The following BTBD16 variants were observed in gnomAD, a reference collection of about 807,000 sequenced individuals.
The protein encoded by BTBD16 is BTB domain containing 16, also known as BTB/POZ domain-containing protein 16.
A neutral mutation model predicts 67.4 loss-of-function variants in BTBD16; 66 were observed. The observed-to-expected ratio is 0.98, with a 90% confidence interval of 0.80 to 1.20. The LOEUF is 1.20. BTBD16 is among the 50% of genes most tolerant of loss of function. The probability of loss-of-function intolerance (pLI) is 0.00; values close to 1 mark genes in which losing one functional copy is unlikely to be tolerated. For synonymous variants in BTBD16, 242 were observed against 236.4 expected, an observed-to-expected ratio of 1.02 and a Z score of -0.22; for missense variants, 634 against 616.0, an observed-to-expected ratio of 1.03 and a Z score of -0.31.
chr10:122,320,456 A>G (rs2096433553), intron 10 of BTBD16, among the ~76,000 whole-genome samples: 1 of 152,066 alleles, frequency 6.6e-6, no homozygotes, highest in Non-Finnish European at 1.5e-5. Flanking sequence ...TCCTAGTTTC[A>G]CAGGTGGAAA....
rs781341697 is a variant in BTBD16 at position 122,291,155 on chromosome 10, C to T, written c.551C>T (p.Ala184Val). ...INLEDLLGVL[A>V]SAHILQFSGL... ...TTGGAAGACCTACTGGGAGTGCTGG[C>T]TTCCGCCCACATCCTCCAGTTCAGT... Residue 184 changes from alanine to valine, a missense_variant, in exon 7 of 16, where the codon GCT becomes GTT. Ala to Val is a moderately conservative substitution (Grantham distance 64, BLOSUM62 0). Coordinates refer to ENST00000260723, the MANE Select transcript of BTBD16 (RefSeq NM_144587.5). The T allele has an allele frequency of 1.9e-6, 3 of 1,613,870 alleles. No individual in the cohort carries two copies. The Admixed American group carries it at 5.0e-5, about 27-fold the overall frequency.
In BTBD16 at chr10:122,284,080, C is replaced by T. The variant is rs901376141; in HGVS notation, c.241+156C>T. Among the ~76,000 whole-genome samples, 16 of 152,070 alleles carry T rather than the reference C, an allele frequency of 1.1e-4. 1 individual carries two copies. Among genetic ancestry groups the T allele is most frequent in the Non-Finnish European group, 1.8e-4 (12 of 68,022 alleles). ...CAGCGTCTAAGAAATAATAGGTGCC[C>T]GGTAAATATTTGTCAAATGTGCAGT... is the stretch of plus-strand genomic sequence containing the variant. On this transcript the variant is annotated intron_variant, in intron 4 of 15. Transcript: ENST00000260723.
At chr10:122,274,768 C>G (rs2096336752) in intron 1 of BTBD16, among the ~76,000 whole-genome samples, 1 of 151,902 alleles carries the variant, frequency 6.6e-6, no homozygotes, top group Non-Finnish European at 1.5e-5. Flanking sequence ...CTCACTTTGG[C>G]AAAGGATTAT....
chr10:122,289,576 T>C (rs1299100855), intron 5 of BTBD16, among the ~76,000 whole-genome samples: 2 of 151,952 alleles, frequency 1.3e-5, no homozygotes, highest in Admixed American at 6.6e-5. Flanking sequence ...CCATTTCTAC[T>C]AAAAATGTAA....
intron 7 of BTBD16, chr10:122,295,387 C>G (rs2096381307): frequency 1.0e-6 from 1 of 985,220 alleles, no homozygotes; most frequent in South Asian, 4.7e-5. Flanking sequence ...CTGCAATGGC[C>G]AGAGGTTTGG....
intron 2 of BTBD16, among the ~76,000 whole-genome samples, 176 bp from the exon 3 acceptor site, chr10:122,276,615 A>G (rs1294048289): frequency 1.3e-5 from 2 of 152,212 alleles, no homozygotes; most frequent in Non-Finnish European, 1.5e-5. Flanking sequence ...TCCTTGGTCT[A>G]TGGAATACAG....
intron 1 of BTBD16, among the ~76,000 whole-genome samples, chr10:122,271,891 C>T (rs2096329484): frequency 6.6e-6 from 1 of 152,342 alleles, no homozygotes; most frequent in East Asian, 1.9e-4. Flanking sequence ...CAGCCTCCCT[C>T]TCTCTGTAAC....
chr10:122,289,909 C>G lies in BTBD16; in HGVS notation c.386C>G (p.Ala129Gly), dbSNP rs1358116484. ...PLRELEELLR[A>G]QSPKKTKEKS... Reference sequence around the variant, plus strand: ...ATCATCATCTCATTTCCTTTACTAGCTCAATCACCTAAGAAGACCAAAGAA... The same window carrying G: ...ATCATCATCTCATTTCCTTTACTAGGTCAATCACCTAAGAAGACCAAAGAA... The change falls in exon 6 of 16, where the codon GCT becomes GGT. Residue 129 changes from alanine to glycine, a missense_variant and splice_region_variant. By Grantham distance (60) the Ala-to-Gly change is moderately conservative. Transcript: ENST00000260723. 6.2e-7 allele frequency: 1 copy of G among 1,612,676 alleles called. No individual in the cohort carries two copies. Among genetic ancestry groups the G allele is most frequent in the Admixed American group, 1.7e-5 (1 of 59,926 alleles).
chr10:122,287,622 C>T (rs2096366372), intron 5 of BTBD16: 1 of 274,632 alleles, frequency 3.6e-6, no homozygotes, highest in South Asian at 1.4e-4. Flanking sequence ...CTTCATGTGC[C>T]TTTAAAAGCG....
intron 10 of BTBD16, among the ~76,000 whole-genome samples, chr10:122,325,323 T>A (rs1485344273): frequency 6.6e-6 from 1 of 152,160 alleles, no homozygotes; most frequent in Non-Finnish European, 1.5e-5. Flanking sequence ...ACACAAACCC[T>A]GTCATCATGG....
Position 122,288,413 on chromosome 10 carries a change from G to A in BTBD16, c.386-1496G>A, listed in dbSNP as rs972238173. Among the ~76,000 whole-genome samples the A allele has an allele frequency of 2.0e-5, 3 of 152,214 alleles. 1 individual carries two copies. The highest frequency in any genetic ancestry group is 2.0e-4 in the Admixed American group (3 of 15,282). ...ACGGATGACAGCGAGGGGAGATGGA[G>A]GGGAAAGGATCCTTTGCTCTCTCTT... On this transcript the variant is annotated intron_variant, in intron 5 of 15. Coordinates refer to ENST00000260723, the MANE Select transcript of BTBD16 (RefSeq NM_144587.5).
In BTBD16 at chr10:122,331,240, A is replaced by G; in HGVS notation, c.1068A>G (p.Thr356=). 1 of 1,613,984 alleles carries G rather than the reference A, an allele frequency of 6.2e-7. No homozygotes were observed. The change falls in exon 12 of 16, where the codon ACA becomes ACG. Residue 356 remains threonine, a synonymous_variant. Transcript: ENST00000260723. ...FFPESWLDQV[T]VNHYHALENG... ...CAGAGTCATGGCTCGACCAGGTTAC[A>G]GTCAACCATTACCACGCAGTGAGTT...
chr10:122,281,441 G>A (rs2096352935), intron 3 of BTBD16, among the ~76,000 whole-genome samples: 1 of 151,752 alleles, frequency 6.6e-6, no homozygotes, highest in South Asian at 2.1e-4. Flanking sequence ...CAGGCTAGAA[G>A]GCAATGGCTA....
intron 7 of BTBD16, chr10:122,295,367 C>T (rs2096381273): frequency 1.0e-6 from 1 of 985,246 alleles, no homozygotes; most frequent in South Asian, 4.7e-5. Context: ...GCCACTAAGA[C>T]CCAATGCAGC....
intron 5 of BTBD16, among the ~76,000 whole-genome samples, chr10:122,288,928 C>T (rs575406341): frequency 6.6e-6 from 1 of 152,264 alleles, no homozygotes; most frequent in African/African-American, 2.4e-5. Context: ...CTAGTGGGGC[C>T]TTGGCTTTTG....
chr10:122,303,243 C>A (rs1466225360), intron 9 of BTBD16, among the ~76,000 whole-genome samples: 3 of 152,174 alleles, frequency 2.0e-5, no homozygotes, highest in African/African-American at 7.2e-5. Context: ...CTCCTAAAGA[C>A]AATTAAACCA....
Position 122,284,072 on chromosome 10 carries a change from T to C in BTBD16, c.241+148T>C, listed in dbSNP as rs549225382. ...CCACTTCCCAGCGTCTAAGAAATAATAGGTGCCCGGTAAATATTTGTCAAA... is the reference window on the plus strand; with the variant it reads ...CCACTTCCCAGCGTCTAAGAAATAACAGGTGCCCGGTAAATATTTGTCAAA... On this transcript the variant is annotated intron_variant, in intron 4 of 15. Transcript: ENST00000260723. The C allele has an allele frequency of 2.0e-5, 13 of 637,398 alleles. 1 individual carries two copies. The highest frequency in any genetic ancestry group is 1.9e-4 in the Admixed American group (7 of 36,188). The allele number at this position is 637,398 out of a possible 1,614,324, so 39.5% of individuals were successfully genotyped here.
chr10:122,310,261 A>G (rs1464615545), intron 10 of BTBD16, among the ~76,000 whole-genome samples: 2 of 152,172 alleles, frequency 1.3e-5, no homozygotes, highest in Non-Finnish European at 2.9e-5. Flanking sequence ...AGGCTCTGAG[A>G]AGAAGAATGT....
chr10:122,283,917 G>C lies in BTBD16; in HGVS notation c.234G>C (p.Gly78=). ...ENFKNKDIQS[G]EADVILECLG... ...TCAAGAACAAGGACATCCAAAGTGGGGAAGCAGGTGAGTTTGTGTTATCCA... is the reference window on the plus strand; with the variant it reads ...TCAAGAACAAGGACATCCAAAGTGGCGAAGCAGGTGAGTTTGTGTTATCCA... The change falls in exon 4 of 16, where the codon GGG becomes GGC. Residue 78 remains glycine, a synonymous_variant. Transcript: ENST00000260723. 1 of 1,613,128 alleles carries C rather than the reference G, an allele frequency of 6.2e-7. No individual in the cohort carries two copies. Among genetic ancestry groups the C allele is most frequent in the Non-Finnish European group, 8.5e-7 (1 of 1,179,114 alleles).
Sources: gnomAD v4.1 joint callset for allele counts (sites outside exome capture counted in the v4.1 genomes callset) on GRCh38, gnomAD v4.1.1 for gene constraint, MANE v1.5 for transcripts, NCBI Gene and HGNC (gene_info 2026-07-23, HGNC 2026-07-21) for gene names.